The following POGZ variants were observed in gnomAD, a reference collection of about 807,000 sequenced individuals.
POGZ encodes the protein pogo transposable element derived with ZNF domain.
POGZ carries 17 observed loss-of-function variants against 134.6 expected under a neutral mutation model. The observed-to-expected ratio is 0.13, with a 90% confidence interval of 0.09 to 0.19. The LOEUF is 0.19. POGZ is among the 10% of genes least tolerant of loss of function. The probability of loss-of-function intolerance (pLI) is 1.00; values close to 1 mark genes in which losing one functional copy is unlikely to be tolerated. For synonymous variants in POGZ, 693 were observed against 657.1 expected (o/e 1.05, Z -0.84); for missense variants, 1,306 against 1,769.7 (o/e 0.74, Z 4.70).
At chr1:151,445,061 A>C (rs1423635269) in intron 1 of POGZ, among the ~76,000 whole-genome samples, 1 of 152,128 alleles carries the variant, frequency 6.6e-6, no homozygotes, top group African/African-American at 2.4e-5. Flanking sequence ...TACAAAATAA[A>C]ATAAAAAACA....
intron 10 of POGZ, 131 bp from the exon 11 acceptor site, chr1:151,412,527 T>C (rs1654847104): frequency 1.7e-6 from 1 of 600,942 alleles, no homozygotes; most frequent in African/African-American, 1.9e-5. Context: ...TCCCTTCTGT[T>C]CTTTCTTTAA....
In POGZ at chr1:151,430,281, C is replaced by T. The variant is rs149992385; in HGVS notation, c.459+385G>A. Among the ~76,000 whole-genome samples, 953 of 152,242 alleles carry T rather than the reference C, an allele frequency of 6.3e-3. 14 individuals are homozygous for T. The highest frequency in any genetic ancestry group is 0.022 in the African/African-American group (899 of 41,526). ...CATCTTCCTTGTCTCCCAAAGGTCT[C>T]CATGAACTCCACCAATTACATACAT... On this transcript the variant is annotated intron_variant, in intron 4 of 18. Transcript: ENST00000271715.
At chr1:151,450,053 A>T (rs1661852783) in intron 1 of POGZ, among the ~76,000 whole-genome samples, 1 of 88,158 alleles carries the variant, frequency 1.1e-5, no homozygotes, top group Non-Finnish European at 2.1e-5. Flanking sequence ...TTTTTTTGAG[A>T]CGGAGTCTTG....
At chr1:151,448,193 A>AT (rs1661541067) in intron 1 of POGZ, among the ~76,000 whole-genome samples, 1 of 152,182 alleles carries the variant, frequency 6.6e-6, no homozygotes, top group Non-Finnish European at 1.5e-5. Flanking sequence ...TTCTCCTGAA[A>AT]TTTTTACTTG....
At position 151,428,330 on chromosome 1, in the gene POGZ, T is replaced by C. The variant is rs367730950; in HGVS notation, c.652A>G (p.Met218Val). The C allele has an allele frequency of 4.3e-6, 7 of 1,613,846 alleles. No individual in the cohort carries two copies. Among genetic ancestry groups the C allele is most frequent in the African/African-American group, 2.7e-5 (2 of 74,866 alleles). Residue 218 changes from methionine to valine, a missense_variant, in exon 6 of 19, where the codon ATG becomes GTG. By Grantham distance (21) the Met-to-Val change is conservative (BLOSUM62 1). Coordinates refer to ENST00000271715, the MANE Select transcript of POGZ (RefSeq NM_015100.4). ...QMTPVRPGSTMPVRPTTNTFT... is the reference protein window; with the variant it reads ...QMTPVRPGSTVPVRPTTNTFT... Reference sequence around the variant, plus strand: ...GTGTTGGTGGTGGGCCTCACAGGCATTGTGGAGCCTGGCCTCACAGGGGTC... The same window carrying C: ...GTGTTGGTGGTGGGCCTCACAGGCACTGTGGAGCCTGGCCTCACAGGGGTC...
intron 10 of POGZ, among the ~76,000 whole-genome samples, chr1:151,420,988 CATATAT>C (rs71090165): frequency 1.4e-5 from 2 of 144,926 alleles, no homozygotes; most frequent in South Asian, 2.2e-4. Flanking sequence ...CGTGTTTTTT[CATATAT>C]ATATATATAT....
At chr1:151,409,026 A>G (rs1024550655) in intron 12 of POGZ, among the ~76,000 whole-genome samples, 198 bp from the exon 13 acceptor site, 1 of 152,204 alleles carries the variant, frequency 6.6e-6, no homozygotes, top group African/African-American at 2.4e-5. Context: ...CATGATATCA[A>G]AGAAAGATGG....
chr1:151,454,869 G>C (rs529748945), intron 1 of POGZ: 40 of 152,346 alleles, frequency 2.6e-4, no homozygotes, highest in Admixed American at 2.3e-3. Context: ...CAGCACTTTG[G>C]GAGGCCAAGG....
rs1156720704 is a variant in POGZ at position 151,404,832 on chromosome 1, T to C, written c.4203A>G (p.Glu1401=). ...TCTCCATCAGATCTAGGTCAGCTTC[T>C]TCAAAGCCATAGAAAGACTCGGTCT... is the stretch of plus-strand genomic sequence containing the variant. ...ESETESFYGF[E]EADLDLMEI is the part of the protein sequence containing the mutation. Residue 1401 remains glutamate, a synonymous_variant, in exon 19 of 19, where the codon GAA becomes GAG. Coordinates refer to ENST00000271715, the MANE Select transcript of POGZ (RefSeq NM_015100.4). 2 of 1,612,248 alleles carry C rather than the reference T, an allele frequency of 1.2e-6. No homozygotes were observed. The highest frequency in any genetic ancestry group is 1.1e-5 in the South Asian group (1 of 90,820).
intron 11 of POGZ, 86 bp from the exon 12 acceptor site, chr1:151,411,857 TA>T (rs1253054284): frequency 8.0e-7 from 1 of 1,245,622 alleles, no homozygotes; most frequent in African/African-American, 1.6e-5. Context: ...CAAAAATTTT[TA>T]AATTAAAAAA....
At chr1:151,451,850 A>C (rs1048938604) in intron 1 of POGZ, among the ~76,000 whole-genome samples, 1 of 151,586 alleles carries the variant, frequency 6.6e-6, no homozygotes, top group Non-Finnish European at 1.5e-5. Context: ...TAATCCCAGC[A>C]CTTTGGGAGG....
chr1:151,441,002 G>C lies in POGZ; in HGVS notation c.209C>G (p.Thr70Ser), dbSNP rs900840511. 4 of 1,613,874 alleles carry C rather than the reference G, an allele frequency of 2.5e-6. No homozygotes were observed. The highest frequency in any genetic ancestry group is 2.5e-6 in the Non-Finnish European group (3 of 1,179,778). The stretch of plus-strand genomic sequence containing the variant: ...GTTCTGTGCCCCGCTGCTACTAACG[G>C]TGGTGGATGTAGAGAGGTGCCCAGC... The part of the protein sequence containing the change: ...SVAGHLSTST[T>S]VSSSGAQNSD... Residue 70 changes from threonine to serine, a missense_variant, in exon 3 of 19, where the codon ACC becomes AGC. By Grantham distance (58) the Thr-to-Ser change is moderately conservative. Around this residue, in one of 10 missense-constraint regions of POGZ, gnomAD observed 541 missense variants for 680.5 expected, o/e 0.80. Transcript: ENST00000271715.
intron 1 of POGZ, among the ~76,000 whole-genome samples, chr1:151,444,449 ACTTT>A (rs1311779251): frequency 6.6e-6 from 1 of 152,226 alleles, no homozygotes; most frequent in Non-Finnish European, 1.5e-5. Context: ...TTGCTGTATA[ACTTT>A]CTGAGAGCTT....
rs773018705 is a variant in POGZ at position 151,405,461 on chromosome 1, G to C, written c.3574C>G (p.Leu1192Val). The C allele has an allele frequency of 4.3e-6, 7 of 1,614,076 alleles. No homozygotes were observed. The highest frequency in any genetic ancestry group is 2.2e-5 in the East Asian group (1 of 44,904). The change falls in exon 19 of 19, where the codon CTA (leucine) becomes GTA (valine). Residue 1192 changes from leucine (L) to valine (V), a missense_variant. Around this residue, in one of 10 missense-constraint regions of POGZ, gnomAD observed 161 missense variants for 185.4 expected, o/e 0.87. Coordinates refer to ENST00000271715, the MANE Select transcript of POGZ (RefSeq NM_015100.4). This position sits in a 1 kb window ranked among gnomAD's most constrained non-coding sequence, Gnocchi z 4.9. Reference sequence around the variant, plus strand: ...CTGTAGCCACTCTCCTTTGCCTCTAGCAATATGGAGTCTGGCATGTTAGCA... The same window carrying C: ...CTGTAGCCACTCTCCTTTGCCTCTACCAATATGGAGTCTGGCATGTTAGCA... ...QPANMPDSIL[L>V]EAKESGYSDD...
At chr1:151,412,264 C>G (rs1195797802) in intron 11 of POGZ, 32 bp downstream of exon 11, 1 of 1,205,702 alleles carries the variant, frequency 8.3e-7, no homozygotes, top group East Asian at 2.3e-5. Context: ...GAGGGCAAAA[C>G]TGCTAAAACT....
intron 3 of POGZ, among the ~76,000 whole-genome samples, chr1:151,438,545 G>A (rs1660004915): frequency 1.3e-5 from 2 of 152,036 alleles, no homozygotes; most frequent in South Asian, 4.2e-4. Flanking sequence ...TACATTCAAG[G>A]AGTCAAGGAG....
chr1:151,428,542 T>G, intron 5 of POGZ, 129 bp from the exon 6 acceptor site: 1 of 828,100 alleles, frequency 1.2e-6, no homozygotes, highest in Non-Finnish European at 2.0e-6. Flanking sequence ...AAGAGGAGTA[T>G]AGATTCTAAA....
At chr1:151,447,631 A>G (rs908030428) in intron 1 of POGZ, among the ~76,000 whole-genome samples, 1 of 133,052 alleles carries the variant, frequency 7.5e-6, no homozygotes, top group Non-Finnish European at 1.6e-5. Flanking sequence ...AAGAGCCACC[A>G]TGTCTGGCTA....
chr1:151,443,709 C>T (rs1261198129), intron 1 of POGZ, among the ~76,000 whole-genome samples: 1 of 151,926 alleles, frequency 6.6e-6, no homozygotes, highest in African/African-American at 2.4e-5. Flanking sequence ...AGCGAAAGTC[C>T]ATCTCAAAAA....
Sources: allele counts gnomAD v4.1 joint callset (sites outside exome capture counted in the v4.1 genomes callset), GRCh38; gene constraint gnomAD v4.1.1; regional missense constraint gnomAD v4.1.1; non-coding constraint Gnocchi (gnomAD v3.1); transcripts MANE v1.5; gene names NCBI Gene and HGNC (gene_info 2026-07-23, HGNC 2026-07-21).